The following CDK5RAP1 variants were observed in gnomAD, a reference collection of about 807,000 sequenced individuals.
The protein encoded by CDK5RAP1 is CDK5RAP1 mitochondrial tRNA methylthiotransferase, also known as mitochondrial tRNA methylthiotransferase CDK5RAP1.
In CDK5RAP1, 62 loss-of-function variants were observed where a neutral mutation model predicts 64.5. The ratio of observed to expected loss-of-function variants is 0.96; its 90% CI spans 0.78 to 1.19. The LOEUF is 1.19. Ranked by LOEUF, CDK5RAP1 falls within the 50% of genes most tolerant of loss-of-function variation. The pLI, the probability that CDK5RAP1 is intolerant of heterozygous loss-of-function variation, is 0.00. For missense variants in CDK5RAP1, 657 were observed against 735.0 expected, an observed-to-expected ratio of 0.89 and a Z score of 1.23; for synonymous variants, 250 against 261.9, an observed-to-expected ratio of 0.95 and a Z score of 0.44.
chr20:33,361,199 G>A (rs1982848143), intron 12 of CDK5RAP1, among the ~76,000 whole-genome samples: 1 of 152,154 alleles, frequency 6.6e-6, no homozygotes, highest in African/African-American at 2.4e-5. Flanking sequence ...CTGCCAGAAG[G>A]TACATGCCAG....
intron 12 of CDK5RAP1, among the ~76,000 whole-genome samples, chr20:33,360,831 C>T (rs902676907): frequency 6.6e-6 from 1 of 152,208 alleles, no homozygotes; most frequent in Non-Finnish European, 1.5e-5. Context: ...TCACTTCACC[C>T]AGTCTCATAC....
intron 12 of CDK5RAP1, among the ~76,000 whole-genome samples, chr20:33,365,655 A>C (rs1319467332): frequency 6.8e-6 from 1 of 147,978 alleles, no homozygotes; most frequent in Non-Finnish European, 1.5e-5. Flanking sequence ...CTGGAGAGAG[A>C]GCTGTATCTA....
intron 5 of CDK5RAP1, among the ~76,000 whole-genome samples, chr20:33,389,740 C>G (rs991692439): frequency 6.6e-6 from 1 of 152,116 alleles, no homozygotes; most frequent in African/African-American, 2.4e-5. Context: ...ACCATGATGA[C>G]GATGGCGGTT....
Position 33,401,475 on chromosome 20 carries a change from C to T in CDK5RAP1, c.-68G>A, listed in dbSNP as rs1300035348. On this transcript the variant is annotated 5_prime_UTR_variant, in exon 1 of 14. Coordinates refer to ENST00000346416, the MANE Select transcript of CDK5RAP1 (RefSeq NM_016408.4). ...CGGGGTCCCGCAGCGTAAGTTCTGC[C>T]GGCAAGTCGGATCCCCTCACAGGTC... is the stretch of plus-strand genomic sequence containing the variant. The T allele has an allele frequency of 2.0e-6, 2 of 985,368 alleles. No individual in the cohort carries two copies. The highest frequency in any genetic ancestry group is 3.5e-5 in the African/African-American group (2 of 57,254). 61.0% of individuals were successfully genotyped at this position (985,368 alleles called of 1,614,324 possible).
intron 10 of CDK5RAP1, 69 bp from the exon 11 acceptor site, chr20:33,370,698 T>C (rs1984863072): frequency 1.9e-6 from 3 of 1,554,130 alleles, no homozygotes; most frequent in East Asian, 2.2e-5. Context: ...CTTCAGCATA[T>C]GTGGATTACA....
intron 9 of CDK5RAP1, 58 bp downstream of exon 9, chr20:33,374,053 CTGTT>C: frequency 4.5e-6 from 5 of 1,123,288 alleles, no homozygotes; most frequent in African/African-American, 1.5e-5. Flanking sequence ...AACAAGGACA[CTGTT>C]TGGTCATTAA....
intron 12 of CDK5RAP1, among the ~76,000 whole-genome samples, chr20:33,365,825 G>C (rs1983819509): frequency 6.6e-6 from 1 of 152,132 alleles, no homozygotes; most frequent in South Asian, 2.1e-4. Context: ...GCAGTTCCTG[G>C]CAGACGGTAA....
chr20:33,380,353 A>C (rs936334404), intron 7 of CDK5RAP1, among the ~76,000 whole-genome samples: 10 of 152,072 alleles, frequency 6.6e-5, no homozygotes, highest in African/African-American at 2.2e-4. Flanking sequence ...TCAGCCTCCC[A>C]AGTAGCTGGG....
Position 33,358,896 on chromosome 20 carries a change from A to G in CDK5RAP1, c.*147T>C. On this transcript the variant is annotated 3_prime_UTR_variant, in exon 14 of 14. Transcript: ENST00000346416. ...AAAAGCTGTTCACATAGCAGCTTTA[A>G]AGAGACACGTTTTCCACTGACATAA... 1.6e-6 allele frequency: 1 copy of G among 635,736 alleles called. No individual in the cohort carries two copies. The highest frequency in any genetic ancestry group is 1.8e-5 in the African/African-American group (1 of 55,248). The allele number at this position is 635,736 out of a possible 1,614,324, so 39.4% of individuals were successfully genotyped here. A position where few individuals can be genotyped will look rare whatever the true frequency, so the allele number is the denominator to read the frequency against.
intron 7 of CDK5RAP1, among the ~76,000 whole-genome samples, chr20:33,384,412 C>T (rs776008827): frequency 2.2e-4 from 34 of 151,940 alleles, no homozygotes; most frequent in East Asian, 1.9e-4. Context: ...AGTTTTGGTA[C>T]TGAGGGAGAG....
chr20:33,396,635 A>C lies in CDK5RAP1; in HGVS notation c.304+126T>G, dbSNP rs1988918988. 5.4e-6 allele frequency: 4 copies of C among 741,594 alleles called. No homozygotes were observed. The South Asian group carries it at 6.9e-5, about 13-fold the overall frequency. 45.9% of individuals were successfully genotyped at this position (741,594 alleles called of 1,614,324 possible). On this transcript the variant is annotated intron_variant, in intron 2 of 13. Coordinates refer to ENST00000346416, the MANE Select transcript of CDK5RAP1 (RefSeq NM_016408.4). ...ATATTAATATTACTTGGTGGAGTCT[A>C]ATGATTCCCACAGCCTTCCCACACT... is the stretch of plus-strand genomic sequence containing the variant.
intron 2 of CDK5RAP1, among the ~76,000 whole-genome samples, chr20:33,395,427 G>T (rs1290770702): frequency 1.3e-5 from 2 of 152,056 alleles, no homozygotes; most frequent in African/African-American, 4.8e-5. Context: ...GGGCAACATA[G>T]GGAGACCCTG....
In CDK5RAP1 at chr20:33,401,451, G is replaced by A; in HGVS notation, c.-44C>T. 2.0e-6 allele frequency: 2 copies of A among 985,468 alleles called. No homozygotes were observed. Among genetic ancestry groups the A allele is most frequent in the Non-Finnish European group, 2.4e-6 (2 of 829,942 alleles). The allele number at this position is 985,468 out of a possible 1,614,324, so 61.0% of individuals were successfully genotyped here. A position where few individuals can be genotyped will look rare whatever the true frequency, so the allele number is the denominator to read the frequency against. On this transcript the variant is annotated 5_prime_UTR_variant, in exon 1 of 14. Transcript: ENST00000346416. ...ACCTCCCGCAGCAGCAACAGTGCCC[G>A]GGGTCCCGCAGCGTAAGTTCTGCCG...
intron 7 of CDK5RAP1, among the ~76,000 whole-genome samples, chr20:33,381,021 A>C (rs138253373): frequency 7.9e-5 from 12 of 152,210 alleles, no homozygotes; most frequent in Admixed American, 1.3e-4. Flanking sequence ...ATGTTATATT[A>C]TAAAGTTTCA....
chr20:33,366,952 C>T lies in CDK5RAP1; in HGVS notation c.1449G>A (p.Arg483=). ...AGATAGTGATGAGTTCCTCCAAACG[C>T]CTTAATTTTACCTCTTCCGGGACAT... ...KDDVPEEVKL[R]RLEELITIFR... The change falls in exon 12 of 14, where the codon AGG becomes AGA. Residue 483 remains arginine, a synonymous_variant. Coordinates refer to ENST00000346416, the MANE Select transcript of CDK5RAP1 (RefSeq NM_016408.4). The T allele has an allele frequency of 6.2e-7, 1 of 1,613,912 alleles. No homozygotes were observed. The highest frequency in any genetic ancestry group is 8.5e-7 in the Non-Finnish European group (1 of 1,179,964).
intron 6 of CDK5RAP1, among the ~76,000 whole-genome samples, chr20:33,386,841 T>C (rs554355497): frequency 2.7e-5 from 4 of 150,790 alleles, no homozygotes; most frequent in Non-Finnish European, 5.9e-5. Flanking sequence ...CTGTCCCAAG[T>C]ATTTAACCTT....
At chr20:33,364,863 C>T (rs188448275) in intron 12 of CDK5RAP1, among the ~76,000 whole-genome samples, 3 of 151,448 alleles carry the variant, frequency 2.0e-5, no homozygotes, top group Non-Finnish European at 4.4e-5. Flanking sequence ...CATGAGCCAC[C>T]GTGACCAGCC....
Position 33,366,977 on chromosome 20 carries a change from TC to T in CDK5RAP1, c.1423del (p.Asp475MetfsTer6), listed in dbSNP as rs748755163. 1 of 1,612,278 alleles carries T rather than the reference TC, an allele frequency of 6.2e-7. No individual in the cohort carries two copies. The highest frequency in any genetic ancestry group is 1.7e-5 in the Admixed American group (1 of 59,788). On this transcript the variant is annotated frameshift_variant, in exon 12 of 14. Coordinates refer to ENST00000346416, the MANE Select transcript of CDK5RAP1 (RefSeq NM_016408.4). LOFTEE classifies it high-confidence loss of function. Reference protein sequence around the residue: ...KTRAYHRLKDDVPEEVKLRRL... With the variant: ...KTRAYHRLKDXVPEEVKLRRL... ...CCTTAATTTTACCTCTTCCGGGACA[TC>T]ATCCTTCAGCCTATGATATGCCCGT...
chr20:33,395,104 G>A lies in CDK5RAP1; in HGVS notation c.317C>T (p.Thr106Ile), dbSNP rs907180280. 7 of 1,610,562 alleles carry A rather than the reference G, an allele frequency of 4.3e-6. No individual in the cohort carries two copies. Among genetic ancestry groups the A allele is most frequent in the Non-Finnish European group, 5.9e-6 (7 of 1,176,878 alleles). ...ATTCACATTCATCTGGCAGCCATAG[G>A]TCTCGAGGTAGACTGCAGTGAGAGG... Reference protein sequence around the residue: ...LGRQRKVYLETYGCQMNVNDT... With the variant: ...LGRQRKVYLEIYGCQMNVNDT... The change falls in exon 3 of 14, where the codon ACC becomes ATC. Residue 106 changes from threonine to isoleucine, a missense_variant. Thr to Ile is a moderately conservative substitution (Grantham distance 89, BLOSUM62 -1). Transcript: ENST00000346416.
Sources: gnomAD v4.1 joint callset for allele counts (sites outside exome capture counted in the v4.1 genomes callset) on GRCh38, gnomAD v4.1.1 for gene constraint, MANE v1.5 for transcripts, NCBI Gene and HGNC (gene_info 2026-07-23, HGNC 2026-07-21) for gene names.